Variants in FBXW2 observed in about 807,000 individuals in gnomAD.
The protein encoded by FBXW2 is F-box and WD repeat domain containing 2, also known as F-box/WD repeat-containing protein 2.
In FBXW2, 12 loss-of-function variants were observed where a neutral mutation model predicts 46.0. The ratio of observed to expected loss-of-function variants is 0.26; its 90% confidence interval spans 0.17 to 0.42. The LOEUF is 0.42. Ranked by LOEUF, FBXW2 falls within the 10% of genes least tolerant of loss-of-function variation. FBXW2 has a pLI of 1.00. For synonymous variants in FBXW2, 203 were observed against 209.6 expected, an observed-to-expected ratio of 0.97 and a Z score of 0.27; for missense variants, 360 against 537.0, an observed-to-expected ratio of 0.67 and a Z score of 3.26.
At chr9:120,768,990 G>A (rs1203074637) in intron 7 of FBXW2, among the ~76,000 whole-genome samples, 1 of 152,202 alleles carries the variant, frequency 6.6e-6, no homozygotes, top group Non-Finnish European at 1.5e-5. Flanking sequence ...ATATGTTGCA[G>A]AATAGAGCAC....
chr9:120,778,320 T>C (rs749758966), intron 4 of FBXW2, 31 bp downstream of exon 4: 3 of 1,590,772 alleles, frequency 1.9e-6, no homozygotes, highest in Non-Finnish European at 2.6e-6. Context: ...TGAGGCTAAG[T>C]TGTAAAAACC....
chr9:120,777,004 C>T (rs937013119), intron 4 of FBXW2, among the ~76,000 whole-genome samples: 1 of 151,692 alleles, frequency 6.6e-6, no homozygotes, highest in African/African-American at 2.4e-5. Flanking sequence ...AGGGAAGAGG[C>T]GATATTGGAG....
intron 7 of FBXW2, among the ~76,000 whole-genome samples, chr9:120,768,358 C>CA (rs1344345400): frequency 2.0e-5 from 3 of 152,232 alleles, no homozygotes; most frequent in Non-Finnish European, 4.4e-5. Context: ...TGTTTAACAT[C>CA]AGTCTTCCCC....
chr9:120,773,902 T>G (rs1218251206), intron 5 of FBXW2, among the ~76,000 whole-genome samples: 1 of 152,144 alleles, frequency 6.6e-6, no homozygotes, highest in African/African-American at 2.4e-5. Context: ...TGTAAAAAGT[T>G]AACATGGGCT....
chr9:120,781,780 T>TG (rs1461756131), intron 3 of FBXW2, among the ~76,000 whole-genome samples: 1 of 152,012 alleles, frequency 6.6e-6, no homozygotes, highest in Non-Finnish European at 1.5e-5. Context: ...CCCAACACTT[T>TG]GGGAGGCCGA....
intron 2 of FBXW2, chr9:120,792,947 C>A: frequency 6.5e-7 from 1 of 1,533,424 alleles, no homozygotes. Context: ...TCATAAACCA[C>A]CTCATCACAC....
intron 7 of FBXW2, 78 bp from the exon 8 acceptor site, chr9:120,764,925 T>C: frequency 8.5e-7 from 1 of 1,170,618 alleles, no homozygotes; most frequent in Non-Finnish European, 1.2e-6. Context: ...TTTCTGGAGA[T>C]ATTTAAAACC....
chr9:120,783,751 A>G (rs1564460705), intron 3 of FBXW2, among the ~76,000 whole-genome samples: 3 of 152,238 alleles, frequency 2.0e-5, no homozygotes, highest in Admixed American at 6.5e-5. Context: ...TAGGCATCCC[A>G]TAAGTAAATA....
chr9:120,790,822 T>TA (rs888296710), intron 2 of FBXW2, among the ~76,000 whole-genome samples: 41 of 150,186 alleles, frequency 2.7e-4, no homozygotes, highest in South Asian at 8.4e-4. Context: ...AACTTAAATT[T>TA]AAAAAAAAAA....
chr9:120,770,158 C>T (rs1311355605), intron 7 of FBXW2, among the ~76,000 whole-genome samples: 2 of 152,220 alleles, frequency 1.3e-5, no homozygotes, highest in South Asian at 2.1e-4. Flanking sequence ...GGGTGGATCA[C>T]GAGGTCAGGA....
chr9:120,777,536 T>C (rs2131329180), intron 4 of FBXW2, among the ~76,000 whole-genome samples: 2 of 152,224 alleles, frequency 1.3e-5, no homozygotes, highest in African/African-American at 4.8e-5. Flanking sequence ...TACTGGGAAA[T>C]AGAGGGACGC....
chr9:120,767,129 G>C (rs547006254), intron 7 of FBXW2, among the ~76,000 whole-genome samples: 1 of 152,260 alleles, frequency 6.6e-6, no homozygotes, highest in African/African-American at 2.4e-5. Context: ...GGGCAATATA[G>C]ATAGAATACG....
intron 3 of FBXW2, among the ~76,000 whole-genome samples, chr9:120,786,707 A>C (rs2044730954): frequency 6.6e-6 from 1 of 152,210 alleles, no homozygotes; most frequent in Non-Finnish European, 1.5e-5. Context: ...CAATGTAAGG[A>C]AACAGGCATT....
rs569938690 is a variant in FBXW2, at chr9:120,759,287, T to C, written c.*5272A>G. The C allele has an allele frequency of 6.6e-6, 1 of 152,354 alleles. No individual in the cohort carries two copies. The highest frequency in any genetic ancestry group is 1.9e-4 in the East Asian group (1 of 5,192). 9.4% of individuals were successfully genotyped at this position (152,354 alleles called of 1,614,324 possible). On this transcript the variant is annotated 3_prime_UTR_variant, in exon 8 of 8. Transcript: ENST00000608872. ...AATTTGCCTAATTGAGGGAATCTGC[T>C]TTAATGTACAGATATAAATGATTTA...
At chr9:120,769,433 G>A (rs1451434246) in intron 7 of FBXW2, among the ~76,000 whole-genome samples, 3 of 152,194 alleles carry the variant, frequency 2.0e-5, no homozygotes, top group East Asian at 3.8e-4. Context: ...GGACTCTAGA[G>A]TCTCTATATG....
In FBXW2 at chr9:120,763,012, G is replaced by T. The variant is rs917453983; in HGVS notation, c.*1547C>A. ...ACAAAATTACCTAACTTTAGAGAGGGAGGAGGACACAATCTGGCAACCCAG... is the reference window on the plus strand; with the variant it reads ...ACAAAATTACCTAACTTTAGAGAGGTAGGAGGACACAATCTGGCAACCCAG... On this transcript the variant is annotated 3_prime_UTR_variant, in exon 8 of 8. Transcript: ENST00000608872. 1 of 152,200 alleles carries T rather than the reference G, an allele frequency of 6.6e-6. No individual in the cohort carries two copies. The highest frequency in any genetic ancestry group is 2.4e-5 in the African/African-American group (1 of 41,448). 9.4% of individuals were successfully genotyped at this position (152,200 alleles called of 1,614,324 possible). A position where few individuals can be genotyped will look rare whatever the true frequency, so the allele number is the denominator to read the frequency against.
chr9:120,770,815 T>C (rs2131300469), intron 7 of FBXW2, among the ~76,000 whole-genome samples: 1 of 152,324 alleles, frequency 6.6e-6, no homozygotes, highest in East Asian at 1.9e-4. Flanking sequence ...GAAGAGCCTA[T>C]GGTATGCAGT....
intron 3 of FBXW2, among the ~76,000 whole-genome samples, chr9:120,782,087 A>G (rs958146362): frequency 2.6e-5 from 4 of 152,102 alleles, no homozygotes; most frequent in Non-Finnish European, 4.4e-5. Context: ...TGAAGACATC[A>G]TGCTAAGTGA....
At chr9:120,774,015 ACCC>A (rs1178490197) in intron 5 of FBXW2, among the ~76,000 whole-genome samples, 8 of 151,804 alleles carry the variant, frequency 5.3e-5, no homozygotes, top group African/African-American at 1.9e-4. Context: ...ACACAGCAAG[ACCC>A]CCATCTCCAC....
Sources: allele counts gnomAD v4.1 joint callset (sites outside exome capture counted in the v4.1 genomes callset), GRCh38; gene constraint gnomAD v4.1.1; transcripts MANE v1.5; gene names NCBI Gene and HGNC (gene_info 2026-07-23, HGNC 2026-07-21).